Variants in TEC observed in about 807,000 individuals in gnomAD.
TEC encodes the protein tyrosine-protein kinase Tec.
TEC carries 72 observed loss-of-function variants against 93.0 expected under a neutral mutation model. That is an observed-to-expected ratio of 0.77 (90% CI 0.64 to 0.94). TEC has a LOEUF of 0.94. TEC is among the 40% of genes least tolerant of loss of function. The pLI is 0.00. For missense variants in TEC, 630 were observed against 757.9 expected, an observed-to-expected ratio of 0.83 and a Z score of 1.98; for synonymous variants, 249 against 247.7, an observed-to-expected ratio of 1.01 and a Z score of -0.05.
intron 1 of TEC, among the ~76,000 whole-genome samples, chr4:48,237,335 G>A (rs1489078842): frequency 1.9e-4 from 26 of 135,156 alleles, no homozygotes; most frequent in African/African-American, 5.5e-4. Context: ...AAAAAAAAGA[G>A]AGAGAGAGAA....
At chr4:48,181,451 T>G (rs9715214) in intron 2 of TEC, among the ~76,000 whole-genome samples, 99,474 of 151,502 alleles carry the variant, frequency 0.66, 32,680 homozygotes, top group Admixed American at 0.75. Flanking sequence ...AAGGAGGGTG[T>G]ATCATGAGGT....
intron 2 of TEC, among the ~76,000 whole-genome samples, chr4:48,221,087 A>G (rs1220003889): frequency 6.6e-6 from 1 of 152,220 alleles, no homozygotes; most frequent in Admixed American, 6.5e-5. Flanking sequence ...AACTTATTAC[A>G]AGGATATTTT....
At chr4:48,242,905 C>A (rs1723956665) in intron 1 of TEC, among the ~76,000 whole-genome samples, 1 of 152,188 alleles carries the variant, frequency 6.6e-6, no homozygotes, top group African/African-American at 2.4e-5. Flanking sequence ...ACCAAACTTA[C>A]AAACTCTGTG....
chr4:48,187,537 G>T (rs1489648755), intron 2 of TEC, among the ~76,000 whole-genome samples: 1 of 151,344 alleles, frequency 6.6e-6, no homozygotes, highest in Non-Finnish European at 1.5e-5. Flanking sequence ...AGTTTCTGAA[G>T]ACATATTTTC....
Position 48,205,035 on chromosome 4 carries a change from C to G in TEC, c.138+23442G>C, listed in dbSNP as rs114081942. 7.6e-3 allele frequency among the ~76,000 whole-genome samples: 1,162 copies of G among 152,320 alleles called. 11 individuals carry two copies. Among genetic ancestry groups the G allele is most frequent in the South Asian group, 0.025 (123 of 4,824 alleles). On this transcript the variant is annotated intron_variant, in intron 2 of 17. Coordinates refer to ENST00000381501, the MANE Select transcript of TEC (RefSeq NM_003215.3). ...AAGAAAGACCTGGTTTAAATGCCAA[C>G]TTTGACACTTATTAGTTGCAAATCA...
At chr4:48,165,121 G>GA (rs974427010) in intron 7 of TEC, among the ~76,000 whole-genome samples, 1 of 152,178 alleles carries the variant, frequency 6.6e-6, no homozygotes, top group African/African-American at 2.4e-5. Context: ...AAGTAGGAAA[G>GA]AAAAACTAAC....
rs777453324 is a variant in TEC at position 48,197,295 on chromosome 4, T to A, written c.139-21109A>T. On this transcript the variant is annotated intron_variant, in intron 2 of 17. Coordinates refer to ENST00000381501, the MANE Select transcript of TEC (RefSeq NM_003215.3). ...CTGCCACATGCTCACTCTGCAACCT[T>A]GGGCAAAGTACTCAACCTCTCTGTT... Among the ~76,000 whole-genome samples the A allele has an allele frequency of 6.6e-5, 10 of 152,250 alleles. No homozygotes were observed. In the South Asian group the frequency reaches 1.7e-3, roughly 25 times the overall value.
chr4:48,174,206 G>T (rs2089510), intron 3 of TEC, among the ~76,000 whole-genome samples: 113,073 of 152,044 alleles, frequency 0.74, 42,618 homozygotes, highest in East Asian at 0.92. Flanking sequence ...GATGGAATGC[G>T]TTCTGTTCTA....
chr4:48,189,506 A>T (rs1722018292), intron 2 of TEC, among the ~76,000 whole-genome samples: 1 of 152,250 alleles, frequency 6.6e-6, no homozygotes, highest in Non-Finnish European at 1.5e-5. Context: ...GAAAAGATAC[A>T]GAAAATGCAG....
intron 1 of TEC, among the ~76,000 whole-genome samples, chr4:48,236,017 A>G (rs2109649397): frequency 6.6e-6 from 1 of 152,272 alleles, no homozygotes; most frequent in Admixed American, 6.5e-5. Flanking sequence ...GAAAAAGTTT[A>G]ATGAGGTGTC....
chr4:48,142,917 C>T (rs1166289417), intron 14 of TEC, among the ~76,000 whole-genome samples: 7 of 151,966 alleles, frequency 4.6e-5, no homozygotes, highest in African/African-American at 9.7e-5. Flanking sequence ...CTCTTGACTT[C>T]GTGATCCGCC....
chr4:48,174,211 G>C (rs1721231398), intron 3 of TEC, among the ~76,000 whole-genome samples: 1 of 152,088 alleles, frequency 6.6e-6, no homozygotes, highest in African/African-American at 2.4e-5. Context: ...AATGCGTTCT[G>C]TTCTACTTGT....
At chr4:48,162,002 G>T (rs1191934668) in intron 8 of TEC, among the ~76,000 whole-genome samples, 1 of 152,174 alleles carries the variant, frequency 6.6e-6, no homozygotes, top group Non-Finnish European at 1.5e-5. Context: ...CTCAGCTTGT[G>T]ATCGTGAGTC....
At position 48,145,490 on chromosome 4, in the gene TEC, C is replaced by G; in HGVS notation, c.1171G>C (p.Ala391Pro). The G allele has an allele frequency of 6.2e-7, 1 of 1,614,148 alleles. No homozygotes were observed. The highest frequency in any genetic ancestry group is 8.5e-7 in the Non-Finnish European group (1 of 1,180,018). ...FGVVRLGKWR[A>P]QYKVAIKAIR... ...GCTTTGATTGCGACTTTGTACTGGG[C>G]TCGCCATTTGCCAAGCCTCACCACT... Residue 391 changes from alanine (A) to proline (P), a missense_variant, in exon 13 of 18, where the codon GCC becomes CCC. By Grantham distance (27) the Ala-to-Pro change is conservative. Around this residue, in one of 3 missense-constraint regions of TEC, gnomAD observed 289 missense variants for 390.0 expected, o/e 0.74. Coordinates refer to ENST00000381501, the MANE Select transcript of TEC (RefSeq NM_003215.3).
intron 2 of TEC, among the ~76,000 whole-genome samples, chr4:48,177,596 C>T (rs12512766): frequency 0.74 from 112,788 of 151,994 alleles, 42,453 homozygotes; most frequent in East Asian, 0.92. Context: ...GGACTGGCTG[C>T]CATCTCCCCA....
At chr4:48,240,230 A>G (rs1723890334) in intron 1 of TEC, among the ~76,000 whole-genome samples, 1 of 152,136 alleles carries the variant, frequency 6.6e-6, no homozygotes, top group Non-Finnish European at 1.5e-5. Context: ...ATTTTCCACA[A>G]TAAAAAGTGT....
chr4:48,177,951 C>G (rs562499121), intron 2 of TEC, among the ~76,000 whole-genome samples: 1 of 152,214 alleles, frequency 6.6e-6, no homozygotes, highest in East Asian at 1.9e-4. Context: ...TGAGGCCTCC[C>G]GAGTCATTCA....
chr4:48,185,988 C>G (rs1169272917), intron 2 of TEC, among the ~76,000 whole-genome samples: 1 of 152,178 alleles, frequency 6.6e-6, no homozygotes, highest in Non-Finnish European at 1.5e-5. Context: ...CTGCGGAGTG[C>G]CTGGGATTGC....
intron 1 of TEC, among the ~76,000 whole-genome samples, chr4:48,232,650 T>C (rs564991530): frequency 1.3e-5 from 2 of 152,242 alleles, no homozygotes; most frequent in South Asian, 2.1e-4. Context: ...CAGCCAAAGA[T>C]AGAGTGTTGA....
Sources: gnomAD v4.1 joint callset for allele counts (sites outside exome capture counted in the v4.1 genomes callset) on GRCh38, gnomAD v4.1.1 for gene constraint, gnomAD v4.1.1 regional missense constraint, MANE v1.5 for transcripts, NCBI Gene and HGNC (gene_info 2026-07-23, HGNC 2026-07-21) for gene names.